The following ABCC8 variants were observed in gnomAD, a reference collection of about 807,000 sequenced individuals.
ABCC8 encodes the protein ATP binding cassette subfamily C member 8, also known as ATP-binding cassette sub-family C member 8.
A neutral mutation model predicts 188.0 loss-of-function variants in ABCC8; 137 were observed. That is an observed-to-expected ratio of 0.73 (90% CI 0.63 to 0.84). ABCC8 has a LOEUF of 0.84. Among genes scored for constraint, ABCC8 ranks in the 40% least tolerant of loss-of-function variants. ABCC8 has a pLI of 0.00. For synonymous variants in ABCC8, 797 were observed against 846.5 expected, an observed-to-expected ratio of 0.94 and a Z score of 1.01; for missense variants, 1,750 against 2,072.7, an observed-to-expected ratio of 0.84 and a Z score of 3.02.
intron 6 of ABCC8, among the ~76,000 whole-genome samples, chr11:17,454,091 T>A (rs1285097227): frequency 6.6e-6 from 1 of 152,188 alleles, no homozygotes; most frequent in African/African-American, 2.4e-5. Flanking sequence ...CTGCTCTTTC[T>A]CAGACACTGC....
chr11:17,447,314 G>A (rs1313544216), intron 8 of ABCC8, among the ~76,000 whole-genome samples: 2 of 152,154 alleles, frequency 1.3e-5, no homozygotes, highest in East Asian at 1.9e-4. Flanking sequence ...TGAAGCCCGA[G>A]GTCAGATCAA....
rs1338924544 is a variant in ABCC8, at chr11:17,476,631, A to G, written c.146T>C (p.Ile49Thr). ...LLFITFPILF[I>T]GWGSQSSKVH... ...CGCGGCTCGCTGCGCGCACTCACCAATGAAGAGGATGGGGAAGGTGATGAA... is the reference window on the plus strand; with the variant it reads ...CGCGGCTCGCTGCGCGCACTCACCAGTGAAGAGGATGGGGAAGGTGATGAA... Residue 49 changes from isoleucine to threonine, a missense_variant and splice_region_variant, in exon 1 of 39, where the codon ATT becomes ACT. Coordinates refer to ENST00000389817, the MANE Select transcript of ABCC8 (RefSeq NM_000352.6). The G allele has an allele frequency of 1.9e-6, 3 of 1,611,960 alleles. No homozygotes were observed. The highest frequency in any genetic ancestry group is 1.1e-5 in the South Asian group (1 of 90,820).
chr11:17,448,737 CACCTGTT>C (rs1956640923), intron 7 of ABCC8, 66 bp from the exon 8 acceptor site: 1 of 1,612,496 alleles, frequency 6.2e-7, no homozygotes, highest in South Asian at 1.1e-5. Context: ...CACCAGATGC[CACCTGTT>C]ACAGTGTGCC....
At chr11:17,457,491 G>A (rs1957037664) in intron 6 of ABCC8, among the ~76,000 whole-genome samples, 1 of 152,210 alleles carries the variant, frequency 6.6e-6, no homozygotes, top group Non-Finnish European at 1.5e-5. Context: ...TGATAGCCCA[G>A]GGCAGTGCTG....
In ABCC8 at chr11:17,427,823, G is replaced by T; in HGVS notation, c.2116+44C>A. ...TCTTTTTATCTCTATGTTATTCAGT[G>T]GGACATGGGGAGGGGCATGCTGGAG... On this transcript the variant is annotated intron_variant, in intron 15 of 38. Transcript: ENST00000389817. This position sits in a 1 kb window ranked among gnomAD's most constrained non-coding sequence, Gnocchi z 5.0. 1 of 1,609,942 alleles carries T rather than the reference G, an allele frequency of 6.2e-7. No individual in the cohort carries two copies. Among genetic ancestry groups the T allele is most frequent in the East Asian group, 2.2e-5 (1 of 44,834 alleles).
chr11:17,426,099 G>A (rs927417878), intron 16 of ABCC8, among the ~76,000 whole-genome samples: 2 of 152,140 alleles, frequency 1.3e-5, no homozygotes, highest in African/African-American at 4.8e-5. Flanking sequence ...TGGGCATTTG[G>A]GTTGTTTCCA....
At chr11:17,434,525 C>T (rs756068927) in intron 10 of ABCC8, among the ~76,000 whole-genome samples, 4 of 152,182 alleles carry the variant, frequency 2.6e-5, no homozygotes, top group Non-Finnish European at 5.9e-5. Context: ...GCAACAGCAA[C>T]AAACCATCCC....
rs1210394340 is a variant in ABCC8 at position 17,448,666 on chromosome 11, C to A, written c.1182G>T (p.Lys394Asn). 3.7e-6 allele frequency: 6 copies of A among 1,614,178 alleles called. No homozygotes were observed. Among genetic ancestry groups the A allele is most frequent in the Middle Eastern group, 1.6e-4 (1 of 6,062 alleles). Residue 394 changes from lysine to asparagine, a missense_variant, in exon 8 of 39, where the codon AAG becomes AAT. Transcript: ENST00000389817. ...ACAGGTGCATAATTTTATTGTAAATCTTGGTCTAGAAATGAGAGCAGAGTG... is the reference window on the plus strand; with the variant it reads ...ACAGGTGCATAATTTTATTGTAAATATTGGTCTAGAAATGAGAGCAGAGTG... ...GINLRGAIQT[K>N]IYNKIMHLST...
chr11:17,412,386 G>A (rs1047948531), intron 21 of ABCC8, among the ~76,000 whole-genome samples: 1 of 152,206 alleles, frequency 6.6e-6, no homozygotes, highest in Non-Finnish European at 1.5e-5. Context: ...AGTGTTGAGG[G>A]GTTGGGCTGT....
intron 12 of ABCC8, chr11:17,430,608 G>T: frequency 4.5e-6 from 3 of 670,860 alleles, no homozygotes; most frequent in Non-Finnish European, 8.2e-6. Flanking sequence ...TGGGAGGTAT[G>T]TAAGCAAGTC....
intron 20 of ABCC8, 101 bp from the exon 21 acceptor site, chr11:17,412,847 C>G: frequency 1.3e-6 from 2 of 1,544,438 alleles, no homozygotes; most frequent in Non-Finnish European, 1.7e-6. Context: ...AGGCCTGGCT[C>G]TATCCACTTC....
Position 17,463,426 on chromosome 11 carries a change from T to C in ABCC8, c.579+12A>G. On this transcript the variant is annotated intron_variant, in intron 4 of 38. Coordinates refer to ENST00000389817, the MANE Select transcript of ABCC8 (RefSeq NM_000352.6). The stretch of plus-strand genomic sequence containing the variant: ...GCTTCCCACCCCACCCTGGCCCAGG[T>C]GGCCTGCTTACCCTCACCCTGATGA... 6.3e-7 allele frequency: 1 copy of C among 1,597,094 alleles called. No individual in the cohort carries two copies.
chr11:17,431,274 A>G (rs1955836215), intron 11 of ABCC8, among the ~76,000 whole-genome samples: 1 of 152,224 alleles, frequency 6.6e-6, no homozygotes, highest in Non-Finnish European at 1.5e-5. Context: ...CCCTCTGCAG[A>G]CAGCAGGCGG....
In ABCC8 at chr11:17,428,861, A is replaced by T. The variant is rs1955718577; in HGVS notation, c.1818-191T>A. On this transcript the variant is annotated intron_variant, in intron 12 of 38. Coordinates refer to ENST00000389817, the MANE Select transcript of ABCC8 (RefSeq NM_000352.6). Reference sequence around the variant, plus strand: ...GTGTTACCAGGGTTTGCTAGGGTTGACCAGTCAGCTGGAATAGGCTGGGGT... The same window carrying T: ...GTGTTACCAGGGTTTGCTAGGGTTGTCCAGTCAGCTGGAATAGGCTGGGGT... The T allele has an allele frequency of 1.2e-5, 13 of 1,050,648 alleles. No individual in the cohort carries two copies. In the South Asian group the frequency reaches 2.0e-4, roughly 16 times the overall value. The allele number at this position is 1,050,648 out of a possible 1,614,324, so 65.1% of individuals were successfully genotyped here.
At position 17,413,584 on chromosome 11, in the gene ABCC8, A is replaced by G. The variant is rs573202732; in HGVS notation, c.2391-106T>C. ...CTGGGTAGCTATGCCCAGGGTGAGCAATGGCTTTAATAGGCCTCCCGCTTG... is the reference window on the plus strand; with the variant it reads ...CTGGGTAGCTATGCCCAGGGTGAGCGATGGCTTTAATAGGCCTCCCGCTTG... On this transcript the variant is annotated intron_variant, in intron 19 of 38. Coordinates refer to ENST00000389817, the MANE Select transcript of ABCC8 (RefSeq NM_000352.6). The G allele has an allele frequency of 5.6e-6, 9 of 1,608,242 alleles. No homozygotes were observed. In the East Asian group the frequency reaches 1.1e-4, roughly 20 times the overall value.
intron 2 of ABCC8, among the ~76,000 whole-genome samples, chr11:17,472,558 G>T (rs1409909275): frequency 2.6e-5 from 4 of 152,188 alleles, no homozygotes; most frequent in African/African-American, 9.7e-5. Flanking sequence ...TTAGACTGGA[G>T]GTATCACAAG....
At chr11:17,471,105 G>A (rs1848452841) in intron 2 of ABCC8, among the ~76,000 whole-genome samples, 1 of 152,234 alleles carries the variant, frequency 6.6e-6, no homozygotes, top group Non-Finnish European at 1.5e-5. Context: ...TTCCCAGATG[G>A]CCTGCTACAG....
chr11:17,441,756 A>G (rs1460141177), intron 10 of ABCC8, among the ~76,000 whole-genome samples: 8 of 152,192 alleles, frequency 5.3e-5, no homozygotes, highest in Non-Finnish European at 1.2e-4. Context: ...TGTTCACTGA[A>G]TTAATTTCCA....
At chr11:17,409,765 C>T (rs1323166603) in intron 22 of ABCC8, among the ~76,000 whole-genome samples, 2 of 152,122 alleles carry the variant, frequency 1.3e-5, no homozygotes, top group Non-Finnish European at 2.9e-5. Context: ...AAATTAAGTG[C>T]TTTCTAATGA....
Sources: gnomAD v4.1 joint callset for allele counts (sites outside exome capture counted in the v4.1 genomes callset) on GRCh38, gnomAD v4.1.1 for gene constraint, Gnocchi (gnomAD v3.1) non-coding constraint, MANE v1.5 for transcripts, NCBI Gene and HGNC (gene_info 2026-07-23, HGNC 2026-07-21) for gene names.